ZNF789: variants seen among roughly 807,000 people sequenced by gnomAD.
ZNF789 encodes the protein zinc finger protein 789.
In ZNF789, 11 loss-of-function variants were observed where a neutral mutation model predicts 15.6. The observed-to-expected ratio is 0.70, with a 90% CI of 0.44 to 1.16. The LOEUF (loss-of-function observed/expected upper bound fraction) is 1.16. Among genes scored for constraint, ZNF789 ranks in the 50% most tolerant of loss-of-function variants. The probability of loss-of-function intolerance (pLI) is 0.00; values close to 1 mark genes in which losing one functional copy is unlikely to be tolerated. For synonymous variants in ZNF789, 159 were observed against 176.0 expected, an observed-to-expected ratio of 0.90 and a Z score of 0.76; for missense variants, 461 against 512.6, an observed-to-expected ratio of 0.90 and a Z score of 0.97.
chr7:99,475,806 CT>C (rs59681284), intron 1 of ZNF789, among the ~76,000 whole-genome samples: 157 of 128,340 alleles, frequency 1.2e-3, no homozygotes, highest in South Asian at 1.5e-3. Flanking sequence ...TTTTTTCTTT[CT>C]TTTTTTTTTT....
At chr7:99,484,292 G>A (rs1293949993) in intron 4 of ZNF789, 149 bp downstream of exon 4, 1 of 613,102 alleles carries the variant, frequency 1.6e-6, no homozygotes, top group African/African-American at 1.9e-5. Context: ...GAAGTGGGAG[G>A]AAGATCGGCG....
intron 2 of ZNF789, among the ~76,000 whole-genome samples, chr7:99,476,800 G>A (rs1004179009): frequency 1.2e-4 from 18 of 152,128 alleles, no homozygotes; most frequent in Non-Finnish European, 8.8e-5. Flanking sequence ...TCTTATTACC[G>A]TAGTAGTTGC....
chr7:99,474,593 CAA>C (rs770329262), intron 1 of ZNF789, among the ~76,000 whole-genome samples: 17 of 105,522 alleles, frequency 1.6e-4, no homozygotes, highest in East Asian at 2.7e-4. Context: ...GACTCCACCT[CAA>C]AAAAAAAAAA....
Position 99,487,568 on chromosome 7 carries a change from G to C in ZNF789, c.*80G>C. ...GTGTGTATCACGTAATTGTTTCCAT[G>C]AAAAGCAATAAATGTAACAAAGGGT... On this transcript the variant is annotated 3_prime_UTR_variant, in exon 5 of 5. Transcript: ENST00000331410. 1.3e-6 allele frequency: 2 copies of C among 1,486,768 alleles called. No individual in the cohort carries two copies. Among genetic ancestry groups the C allele is most frequent in the Non-Finnish European group, 1.8e-6 (2 of 1,106,722 alleles). The allele number at this position is 1,486,768 out of a possible 1,614,324, so 92.1% of individuals were successfully genotyped here. A position where few individuals can be genotyped will look rare whatever the true frequency, so the allele number is the denominator to read the frequency against.
chr7:99,484,201 A>G, intron 4 of ZNF789, 58 bp downstream of exon 4: 1 of 1,377,812 alleles, frequency 7.3e-7, no homozygotes, highest in East Asian at 2.3e-5. Context: ...AAGGCATGTT[A>G]GTGAAGCCCC....
intron 3 of ZNF789, chr7:99,481,011 T>G (rs1002742863): frequency 6.6e-6 from 1 of 152,220 alleles, no homozygotes. Flanking sequence ...AAGAGGAAAG[T>G]GTTCATGGGT....
At chr7:99,477,084 C>T (rs1166896976) in intron 2 of ZNF789, among the ~76,000 whole-genome samples, 1 of 151,546 alleles carries the variant, frequency 6.6e-6, no homozygotes, top group Non-Finnish European at 1.5e-5. Flanking sequence ...CACTCTGTTG[C>T]CAGGCTGGAG....
In ZNF789 at chr7:99,473,283, G is replaced by A. The variant is rs935903446; in HGVS notation, c.-55+227G>A. Among the ~76,000 whole-genome samples, 1 of 152,188 alleles carries A rather than the reference G, an allele frequency of 6.6e-6. No homozygotes were observed. The highest frequency in any genetic ancestry group is 1.5e-5 in the Non-Finnish European group (1 of 68,032). On this transcript the variant is annotated intron_variant, in intron 1 of 4. Coordinates refer to ENST00000331410, the MANE Select transcript of ZNF789 (RefSeq NM_213603.3). Reference sequence around the variant, plus strand: ...GCCTGGACTTGGTTTTGTTAGAGTGGGAGATGAGCCGTGGTTGTTAGTGGA... The same window carrying A: ...GCCTGGACTTGGTTTTGTTAGAGTGAGAGATGAGCCGTGGTTGTTAGTGGA...
chr7:99,479,614 T>A, intron 2 of ZNF789, 47 bp from the exon 3 acceptor site: 1 of 1,548,762 alleles, frequency 6.5e-7, no homozygotes, highest in Non-Finnish European at 8.7e-7. Flanking sequence ...TCATTGAGCG[T>A]AAGTTATTTT....
chr7:99,473,626 T>TG (rs1289662321), intron 1 of ZNF789, among the ~76,000 whole-genome samples: 2 of 152,134 alleles, frequency 1.3e-5, no homozygotes, highest in Non-Finnish European at 2.9e-5. Context: ...GAATTGTTGT[T>TG]GCTGTTGTGT....
At chr7:99,475,111 G>GGCT (rs1169284354) in intron 1 of ZNF789, among the ~76,000 whole-genome samples, 4 of 152,204 alleles carry the variant, frequency 2.6e-5, no homozygotes, top group African/African-American at 9.6e-5. Context: ...CAAGTCTGTA[G>GGCT]GCTGGGCGCA....
At chr7:99,478,182 A>G (rs762759309) in intron 2 of ZNF789, 16 of 882,954 alleles carry the variant, frequency 1.8e-5, no homozygotes, top group Non-Finnish European at 2.5e-5. Flanking sequence ...GTTTCCAAGA[A>G]CCTATTGTGG....
chr7:99,486,324 T>A, intron 4 of ZNF789, 152 bp from the exon 5 acceptor site: 1 of 791,030 alleles, frequency 1.3e-6, no homozygotes, highest in Non-Finnish European at 1.9e-6. Flanking sequence ...CAAAAAAAAA[T>A]TTCAGAGTTT....
At chr7:99,477,105 C>T (rs1044095593) in intron 2 of ZNF789, among the ~76,000 whole-genome samples, 8 of 150,624 alleles carry the variant, frequency 5.3e-5, no homozygotes, top group East Asian at 2.0e-4. Flanking sequence ...TGTAGTGGCG[C>T]GATCTCAGCT....
rs1178787998 is a variant in ZNF789, at chr7:99,486,504, G to A, written c.294G>A (p.Lys98=). ...PGSEARHKMK[K]LTPKQKFSED... is the part of the protein sequence containing the mutation. Reference sequence around the variant, plus strand: ...CTGAAGCCAGACACAAGATGAAAAAGCTAACTCCAAAACAGAAATTTTCTG... The same window carrying A: ...CTGAAGCCAGACACAAGATGAAAAAACTAACTCCAAAACAGAAATTTTCTG... The change falls in exon 5 of 5, where the codon AAG becomes AAA. Residue 98 remains lysine, a synonymous_variant. Transcript: ENST00000331410. 14 of 1,612,018 alleles carry A rather than the reference G, an allele frequency of 8.7e-6. No individual in the cohort carries two copies. The highest frequency in any genetic ancestry group is 1.1e-5 in the Non-Finnish European group (13 of 1,179,136).
chr7:99,476,527 C>G, intron 2 of ZNF789, 47 bp downstream of exon 2: 1 of 1,606,118 alleles, frequency 6.2e-7, no homozygotes. Flanking sequence ...TCACTGCCAC[C>G]AGCAGCTCCT....
chr7:99,484,492 T>C (rs2151069452), intron 4 of ZNF789, among the ~76,000 whole-genome samples: 1 of 152,300 alleles, frequency 6.6e-6, no homozygotes, highest in Non-Finnish European at 1.5e-5. Flanking sequence ...TAGTGGCGTG[T>C]GCCTGTAATC....
chr7:99,473,998 C>T (rs543162717), intron 1 of ZNF789, among the ~76,000 whole-genome samples: 36 of 152,188 alleles, frequency 2.4e-4, no homozygotes, highest in Non-Finnish European at 4.4e-4. Context: ...TCATTGCAGT[C>T]TCCAACTCCT....
chr7:99,475,495 T>G (rs1393991324), intron 1 of ZNF789, among the ~76,000 whole-genome samples: 1 of 152,100 alleles, frequency 6.6e-6, no homozygotes, highest in Non-Finnish European at 1.5e-5. Flanking sequence ...TTTAGAACAC[T>G]TTCAGAGGGG....
Sources: allele counts gnomAD v4.1 joint callset (sites outside exome capture counted in the v4.1 genomes callset), GRCh38; gene constraint gnomAD v4.1.1; transcripts MANE v1.5; gene names NCBI Gene and HGNC (gene_info 2026-07-23, HGNC 2026-07-21).